AK7: variants seen among roughly 807,000 people sequenced by gnomAD.
AK7 encodes the protein adenylate kinase 7.
AK7 carries 78 observed loss-of-function variants against 96.6 expected under a neutral mutation model. That is an observed-to-expected ratio of 0.81 (90% CI 0.67 to 0.97). The LOEUF (loss-of-function observed/expected upper bound fraction) is 0.97. Among genes scored for constraint, AK7 ranks in the 50% least tolerant of loss-of-function variants. The probability of loss-of-function intolerance (pLI) is 0.00; values close to 1 mark genes in which losing one functional copy is unlikely to be tolerated. For synonymous variants in AK7, 302 were observed against 317.2 expected (o/e 0.95, Z 0.51); for missense variants, 855 against 887.9 (o/e 0.96, Z 0.47).
At chr14:96,449,740 A>T in intron 8 of AK7, 62 bp from the exon 9 acceptor site, 1 of 1,296,048 alleles carries the variant, frequency 7.7e-7, no homozygotes, top group African/African-American at 1.5e-5. Flanking sequence ...GGCCCATTTG[A>T]GTTTTATATA....
intron 5 of AK7, among the ~76,000 whole-genome samples, chr14:96,436,717 C>A (rs1214639640): frequency 2.6e-5 from 4 of 152,146 alleles, no homozygotes; most frequent in Admixed American, 2.0e-4. Flanking sequence ...TGAAGAAGTT[C>A]AAGCGAGTTT....
At chr14:96,447,614 GC>G (rs1018254481) in intron 8 of AK7, among the ~76,000 whole-genome samples, 1 of 151,762 alleles carries the variant, frequency 6.6e-6, no homozygotes, top group African/African-American at 2.4e-5. Flanking sequence ...AAGCCACAGT[GC>G]CTGGCTAAGT....
chr14:96,407,621 G>A (rs1158134589), intron 3 of AK7, among the ~76,000 whole-genome samples: 2 of 124,028 alleles, frequency 1.6e-5, no homozygotes, highest in East Asian at 2.6e-4. Flanking sequence ...TCGCTCTGTT[G>A]CCTAGGCTGG....
At chr14:96,392,386 C>T in intron 1 of AK7, 127 bp downstream of exon 1, 1 of 762,782 alleles carries the variant, frequency 1.3e-6, no homozygotes, top group South Asian at 1.8e-5. Flanking sequence ...AGGGAGGGTC[C>T]CGCGTCCTGG....
Position 96,486,969 on chromosome 14 carries a change from C to A in AK7, c.2046C>A (p.Asn682Lys). The A allele has an allele frequency of 6.2e-7, 1 of 1,614,048 alleles. No homozygotes were observed. The highest frequency in any genetic ancestry group is 8.5e-7 in the Non-Finnish European group (1 of 1,179,930). ...LLEAQSIPLR[N>K]YLMTYVMPTL... ...AGGCTCAGTCAATTCCCCTGAGAAA[C>A]TATTTAATGACCTATGTGATGCCAA... is the stretch of plus-strand genomic sequence containing the variant. Residue 682 changes from asparagine (N) to lysine (K), a missense_variant, in exon 17 of 18, where the codon AAC becomes AAA. Coordinates refer to ENST00000267584, the MANE Select transcript of AK7 (RefSeq NM_152327.5).
chr14:96,449,615 G>T (rs183062006), intron 8 of AK7, among the ~76,000 whole-genome samples, 187 bp from the exon 9 acceptor site: 1 of 152,102 alleles, frequency 6.6e-6, no homozygotes, highest in Non-Finnish European at 1.5e-5. Context: ...TGTATTTTTC[G>T]TAGAGACGGG....
At chr14:96,479,805 C>T (rs118157872) in intron 15 of AK7, among the ~76,000 whole-genome samples, 1,963 of 152,272 alleles carry the variant, frequency 0.013, 26 homozygotes, top group Non-Finnish European at 0.018. Flanking sequence ...GAACCAGCTT[C>T]TGCCTGGTGG....
intron 4 of AK7, among the ~76,000 whole-genome samples, chr14:96,415,787 A>ACATTAATTAATTAAATTAATTTAATG (rs1485241846): frequency 3.3e-5 from 5 of 149,570 alleles, no homozygotes; most frequent in East Asian, 1.9e-4. Flanking sequence ...TTAATTTAAT[A>ACATTAATTAATTAAATTAATTTAATG]CATTAATTAA....
At chr14:96,445,136 A>C (rs994898583) in intron 7 of AK7, among the ~76,000 whole-genome samples, 2 of 152,174 alleles carry the variant, frequency 1.3e-5, no homozygotes, top group Non-Finnish European at 2.9e-5. Flanking sequence ...CTGCCTATCA[A>C]ACTACCCGCC....
At chr14:96,404,350 C>T (rs946234076) in intron 2 of AK7, among the ~76,000 whole-genome samples, 37 of 152,044 alleles carry the variant, frequency 2.4e-4, no homozygotes, top group Middle Eastern at 3.2e-3. Flanking sequence ...TATGACAATC[C>T]ACATTCATCA....
chr14:96,406,528 G>A (rs1451635334), intron 3 of AK7, among the ~76,000 whole-genome samples: 1 of 152,154 alleles, frequency 6.6e-6, no homozygotes, highest in Non-Finnish European at 1.5e-5. Flanking sequence ...GAGTGTTTGT[G>A]TCTGCAAGAA....
intron 12 of AK7, among the ~76,000 whole-genome samples, chr14:96,464,251 T>C (rs1289225617): frequency 2.0e-5 from 3 of 151,788 alleles, no homozygotes; most frequent in African/African-American, 4.8e-5. Flanking sequence ...CTTGCATGTA[T>C]AGGTTGTTAA....
intron 5 of AK7, 90 bp downstream of exon 5, chr14:96,421,022 G>C: frequency 1.1e-6 from 1 of 886,406 alleles, no homozygotes; most frequent in Non-Finnish European, 1.8e-6. Flanking sequence ...ACGGATGTCT[G>C]AGCTTTAGGC....
In AK7 at chr14:96,458,513, G is replaced by A. The variant is rs148758429; in HGVS notation, c.1357+301G>A. ...TCCCAGCACTTTGGGAGGCCGAGGC[G>A]GGTGGATCACCTGAGGTCATGAGTT... On this transcript the variant is annotated intron_variant, in intron 12 of 17. Transcript: ENST00000267584. Among the ~76,000 whole-genome samples the A allele has an allele frequency of 6.8e-3, 1,027 of 151,998 alleles. 9 individuals are homozygous for A. The highest frequency in any genetic ancestry group is 0.011 in the Non-Finnish European group (745 of 67,954).
intron 13 of AK7, among the ~76,000 whole-genome samples, chr14:96,472,307 G>T (rs1260444517): frequency 2.6e-5 from 4 of 152,086 alleles, no homozygotes; most frequent in Non-Finnish European, 4.4e-5. Context: ...GACTACAGGC[G>T]TGCATGACCA....
rs1430540266 is a variant in AK7 at position 96,442,805 on chromosome 14, C to G, written c.766C>G (p.Leu256Val). Residue 256 changes from leucine to valine, a missense_variant, in exon 7 of 18, where the codon CTT becomes GTT. Transcript: ENST00000267584. The part of the protein sequence containing the change: ...GTNVIPTIHV[L>V]DLAGVIQNVI... ...AAATGTAATTCCAACAATCCATGTTCTTGATCTAGCAGGGTAAGCATTCGC... is the reference window on the plus strand; with the variant it reads ...AAATGTAATTCCAACAATCCATGTTGTTGATCTAGCAGGGTAAGCATTCGC... 1 of 1,613,900 alleles carries G rather than the reference C, an allele frequency of 6.2e-7. No individual in the cohort carries two copies.
chr14:96,468,741 G>C (rs1421093394), intron 12 of AK7, among the ~76,000 whole-genome samples: 1 of 151,986 alleles, frequency 6.6e-6, no homozygotes, highest in Non-Finnish European at 1.5e-5. Context: ...CAGGGGAGCA[G>C]CTCTCTATTT....
At chr14:96,478,225 G>A (rs540398483) in intron 14 of AK7, among the ~76,000 whole-genome samples, 21 of 149,378 alleles carry the variant, frequency 1.4e-4, no homozygotes, top group Admixed American at 6.0e-4. Flanking sequence ...GAGAGGGAGG[G>A]GGGAAGAAAG....
At chr14:96,411,397 G>A (rs537375811) in intron 4 of AK7, among the ~76,000 whole-genome samples, 1 of 151,940 alleles carries the variant, frequency 6.6e-6, no homozygotes, top group South Asian at 2.1e-4. Flanking sequence ...TGTAGTCCCA[G>A]TTACTCAGGA....
Sources: gnomAD v4.1 joint callset for allele counts (sites outside exome capture counted in the v4.1 genomes callset) on GRCh38, gnomAD v4.1.1 for gene constraint, MANE v1.5 for transcripts, NCBI Gene and HGNC (gene_info 2026-07-23, HGNC 2026-07-21) for gene names.